CTIF: variants seen among roughly 807,000 people sequenced by gnomAD.
CTIF encodes the protein cap binding complex dependent translation initiation factor.
In CTIF, 21 loss-of-function variants were observed where a neutral mutation model predicts 66.0. The observed-to-expected ratio is 0.32, with a 90% CI of 0.23 to 0.46. The LOEUF is 0.46. Among genes scored for constraint, CTIF ranks in the 20% least tolerant of loss-of-function variants. The probability of loss-of-function intolerance (pLI) is 1.00; values close to 1 mark genes in which losing one functional copy is unlikely to be tolerated. For missense variants in CTIF, 739 were observed against 812.7 expected (o/e 0.91, Z 1.10); for synonymous variants, 345 against 326.4 (o/e 1.06, Z -0.62).
chr18:48,786,010 G>C (rs574132627), intron 9 of CTIF, among the ~76,000 whole-genome samples: 1 of 152,240 alleles, frequency 6.6e-6, no homozygotes, highest in East Asian at 1.9e-4. Context: ...GGCTAGGAGA[G>C]TTTGAATCAC....
intron 6 of CTIF, chr18:48,683,293 G>A (rs1273670551): frequency 6.6e-6 from 1 of 151,700 alleles, no homozygotes; most frequent in Non-Finnish European, 1.5e-5. Context: ...TACTGTGGTT[G>A]TGTCCAGAAA....
intron 8 of CTIF, among the ~76,000 whole-genome samples, chr18:48,759,519 G>A (rs1402746337): frequency 6.6e-6 from 1 of 152,096 alleles, no homozygotes; most frequent in East Asian, 1.9e-4. Flanking sequence ...TAACTGCAGG[G>A]CAGCAGAGTG....
intron 1 of CTIF, among the ~76,000 whole-genome samples, chr18:48,583,305 C>T (rs184961607): frequency 6.6e-6 from 1 of 152,348 alleles, no homozygotes; most frequent in Non-Finnish European, 1.5e-5. Flanking sequence ...AAGGAATTCA[C>T]AGTTCGTGAA....
chr18:48,639,627 T>G (rs1350817601), intron 3 of CTIF, among the ~76,000 whole-genome samples: 2 of 152,294 alleles, frequency 1.3e-5, no homozygotes, highest in East Asian at 3.9e-4. Flanking sequence ...GGCTTTATTT[T>G]TAGACATCAG....
chr18:48,806,530 G>A (rs550163478), intron 9 of CTIF, among the ~76,000 whole-genome samples: 99 of 152,282 alleles, frequency 6.5e-4, no homozygotes, highest in African/African-American at 2.3e-3. Flanking sequence ...GAGGGAGCCC[G>A]AAATGAAGGT....
intron 9 of CTIF, among the ~76,000 whole-genome samples, chr18:48,812,429 C>G (rs1324390246): frequency 6.6e-6 from 1 of 152,146 alleles, no homozygotes; most frequent in Non-Finnish European, 1.5e-5. Flanking sequence ...CTTCATGTCT[C>G]TGAATTTTTA....
intron 10 of CTIF, among the ~76,000 whole-genome samples, chr18:48,832,768 G>A (rs1173090342): frequency 6.6e-6 from 1 of 152,224 alleles, no homozygotes; most frequent in African/African-American, 2.4e-5. Context: ...CCAGACTTAG[G>A]AAACGCAAAC....
At chr18:48,770,466 C>T (rs995222121) in intron 9 of CTIF, among the ~76,000 whole-genome samples, 4 of 152,266 alleles carry the variant, frequency 2.6e-5, no homozygotes, top group Non-Finnish European at 5.9e-5. Flanking sequence ...GTCAGAGACT[C>T]TAGATGTGCA....
At chr18:48,785,356 C>T (rs920298327) in intron 9 of CTIF, among the ~76,000 whole-genome samples, 2 of 152,164 alleles carry the variant, frequency 1.3e-5, no homozygotes, top group Admixed American at 6.5e-5. Context: ...CTTGGGATGC[C>T]GTTTCACAAA....
At chr18:48,673,077 C>T (rs1390204017) in intron 6 of CTIF, among the ~76,000 whole-genome samples, 1 of 152,196 alleles carries the variant, frequency 6.6e-6, no homozygotes, top group Non-Finnish European at 1.5e-5. Flanking sequence ...AGTCCAGCAT[C>T]CACCTGCCAT....
At chr18:48,621,777 C>A in intron 2 of CTIF, 1 of 234,730 alleles carries the variant, frequency 4.3e-6, no homozygotes, top group Non-Finnish European at 8.5e-6. Context: ...GAGAATAGTA[C>A]AACTGTTTTG....
At chr18:48,618,149 C>A (rs1166152203) in intron 1 of CTIF, among the ~76,000 whole-genome samples, 1 of 152,180 alleles carries the variant, frequency 6.6e-6, no homozygotes, top group East Asian at 1.9e-4. Context: ...GCTTTGGACT[C>A]GCTGCAGTGA....
chr18:48,670,488 C>T, intron 5 of CTIF, 181 bp from the exon 6 acceptor site: 1 of 536,540 alleles, frequency 1.9e-6, no homozygotes, highest in Non-Finnish European at 3.4e-6. Context: ...CGGGAGGACC[C>T]CCCCCCCACA....
intron 1 of CTIF, among the ~76,000 whole-genome samples, chr18:48,617,654 G>A (rs1194489249): frequency 6.6e-6 from 1 of 152,184 alleles, no homozygotes; most frequent in South Asian, 2.1e-4. Flanking sequence ...AAGAGGCAAT[G>A]GACAGTACCT....
intron 1 of CTIF, among the ~76,000 whole-genome samples, chr18:48,587,465 G>T (rs914109467): frequency 1.3e-5 from 2 of 151,782 alleles, no homozygotes; most frequent in Non-Finnish European, 2.9e-5. Flanking sequence ...ACCACTGTGG[G>T]CATCATGGTG....
chr18:48,748,421 C>T (rs1296977495), intron 7 of CTIF, among the ~76,000 whole-genome samples: 1 of 152,100 alleles, frequency 6.6e-6, no homozygotes, highest in African/African-American at 2.4e-5. Flanking sequence ...TATACCTTTA[C>T]TCCACCTTCA....
At chr18:48,682,309 G>A (rs1053002992) in intron 6 of CTIF, among the ~76,000 whole-genome samples, 7 of 152,162 alleles carry the variant, frequency 4.6e-5, no homozygotes, top group Non-Finnish European at 8.8e-5. Context: ...AGCCAAAAGC[G>A]TATCTTATTC....
chr18:48,632,719 C>G (rs1290819612), intron 2 of CTIF, among the ~76,000 whole-genome samples: 6 of 152,162 alleles, frequency 3.9e-5, no homozygotes, highest in Non-Finnish European at 8.8e-5. Context: ...CTCTGGGAAC[C>G]CTGGGTTGCC....
chr18:48,573,424 A>G (rs1025797903), intron 1 of CTIF, among the ~76,000 whole-genome samples: 5 of 152,232 alleles, frequency 3.3e-5, no homozygotes, highest in African/African-American at 1.2e-4. Flanking sequence ...GCAGGAAAAG[A>G]CAAATGTGTA....
Sources: allele counts gnomAD v4.1 joint callset (sites outside exome capture counted in the v4.1 genomes callset), GRCh38; gene constraint gnomAD v4.1.1; transcripts MANE v1.5; gene names NCBI Gene and HGNC (gene_info 2026-07-23, HGNC 2026-07-21).